The following RANGAP1 variants were observed in gnomAD, a reference collection of about 807,000 sequenced individuals.
RANGAP1 encodes the protein ran GTPase-activating protein 1.
A neutral mutation model predicts 63.5 loss-of-function variants in RANGAP1; 38 were observed. That is an observed-to-expected ratio of 0.60 (90% CI 0.46 to 0.78). The LOEUF is 0.78. RANGAP1 is among the 30% of genes least tolerant of loss of function. The probability of loss-of-function intolerance (pLI) is 0.00; values close to 1 mark genes in which losing one functional copy is unlikely to be tolerated. For synonymous variants in RANGAP1, 329 were observed against 310.5 expected, an observed-to-expected ratio of 1.06 and a Z score of -0.63; for missense variants, 630 against 740.3, an observed-to-expected ratio of 0.85 and a Z score of 1.73.
upstream of RANGAP1, among the ~76,000 whole-genome samples, chr22:41,290,363 G>A (rs1198328974): frequency 6.6e-6 from 1 of 151,784 alleles, no homozygotes; most frequent in African/African-American, 2.4e-5. Flanking sequence ...CCGAGTAGCT[G>A]GGATTACAGG....
the RANGAP1 span, among the ~76,000 whole-genome samples, chr22:41,292,936 T>C: frequency 1.3e-5 from 2 of 151,594 alleles, no homozygotes. Flanking sequence ...AAACTCTGTC[T>C]CTACAAAAAA....
At chr22:41,285,695 C>T (rs1044615643) in intron 1 of RANGAP1, 5 of 984,834 alleles carry the variant, frequency 5.1e-6, no homozygotes, top group Non-Finnish European at 6.0e-6. Context: ...GGACTCGCAC[C>T]GCCTCCGGTT....
intron 2 of RANGAP1, among the ~76,000 whole-genome samples, chr22:41,277,020 A>C (rs1459518399): frequency 6.6e-6 from 1 of 151,060 alleles, no homozygotes; most frequent in African/African-American, 2.4e-5. Context: ...TAGAAATAAA[A>C]TGCCCTGAAA....
chr22:41,248,887 C>A (rs1382771041), intron 15 of RANGAP1, among the ~76,000 whole-genome samples: 1 of 152,244 alleles, frequency 6.6e-6, no homozygotes, highest in African/African-American at 2.4e-5. Flanking sequence ...GGCTGCAGAG[C>A]CTGGTGTGAC....
chr22:41,298,319 G>A, the RANGAP1 span, among the ~76,000 whole-genome samples: 2 of 151,014 alleles, frequency 1.3e-5, no homozygotes, highest in East Asian at 4.0e-4. Flanking sequence ...CTAATTTGTT[G>A]TTGTTGTTGT....
intron 15 of RANGAP1, among the ~76,000 whole-genome samples, chr22:41,246,938 C>T (rs917302084): frequency 6.6e-6 from 1 of 152,230 alleles, no homozygotes; most frequent in African/African-American, 2.4e-5. Context: ...TTCCAGCAGA[C>T]ATAGGCCAGG....
At chr22:41,271,371 G>A (rs1258790763) in intron 3 of RANGAP1, among the ~76,000 whole-genome samples, 2 of 139,666 alleles carry the variant, frequency 1.4e-5, no homozygotes, top group Admixed American at 1.4e-4. Context: ...CTGGGCAATG[G>A]CGTGAAACTG....
the RANGAP1 span, among the ~76,000 whole-genome samples, chr22:41,294,187 G>A: frequency 6.6e-6 from 1 of 152,210 alleles, no homozygotes; most frequent in Non-Finnish European, 1.5e-5. Flanking sequence ...GAGTGCCTGC[G>A]ATTGAAGGCG....
the RANGAP1 span, among the ~76,000 whole-genome samples, chr22:41,294,022 T>TCCTCTC: frequency 3.0e-5 from 4 of 134,552 alleles, no homozygotes; most frequent in Non-Finnish European, 6.4e-5. Context: ...AAAAATCTAC[T>TCCTCTC]CCTCTCCCTC....
chr22:41,279,400 G>A, intron 2 of RANGAP1, among the ~76,000 whole-genome samples: 1 of 151,382 alleles, frequency 6.6e-6, no homozygotes, highest in East Asian at 1.9e-4. Context: ...AACCAGGGAG[G>A]CAGAGCTTAC....
At chr22:41,280,423 T>C (rs2035429721) in intron 2 of RANGAP1, among the ~76,000 whole-genome samples, 3 of 152,332 alleles carry the variant, frequency 2.0e-5, no homozygotes, top group Admixed American at 2.0e-4. Context: ...TTTTCTGTGG[T>C]TGCAATACCT....
At chr22:41,252,722 T>G in intron 12 of RANGAP1, 150 bp downstream of exon 12, 1 of 911,358 alleles carries the variant, frequency 1.1e-6, no homozygotes, top group Non-Finnish European at 1.5e-6. Flanking sequence ...ACCCTGGACA[T>G]TTGCGCGTGT....
At chr22:41,279,221 AG>A (rs2035340334) in intron 2 of RANGAP1, among the ~76,000 whole-genome samples, 1 of 152,226 alleles carries the variant, frequency 6.6e-6, no homozygotes, top group African/African-American at 2.4e-5. Context: ...CTGTTATCCC[AG>A]TACTTTGGGG....
chr22:41,279,403 G>A (rs2035357706), intron 2 of RANGAP1, among the ~76,000 whole-genome samples: 1 of 151,824 alleles, frequency 6.6e-6, no homozygotes, highest in Non-Finnish European at 1.5e-5. Context: ...CAGGGAGGCA[G>A]AGCTTACAGT....
intron 3 of RANGAP1, among the ~76,000 whole-genome samples, chr22:41,272,606 T>C (rs1013266468): frequency 2.6e-5 from 4 of 152,056 alleles, no homozygotes; most frequent in African/African-American, 9.7e-5. Flanking sequence ...CTGCAACCTC[T>C]GCCTCCTGGT....
intron 4 of RANGAP1, among the ~76,000 whole-genome samples, chr22:41,265,584 G>T (rs888943449): frequency 9.2e-5 from 14 of 152,188 alleles, no homozygotes; most frequent in Admixed American, 6.5e-5. Flanking sequence ...TTCTGGTGGT[G>T]ACTGGCAGAT....
rs774731855 is a variant in RANGAP1, at chr22:41,256,831, G to T, written c.775-7C>A. ...GCCGCAAGGTCTTCAAGGTCTGTGA[G>T]GGGGAAGCAAGGGTCCAGAGTGAGG... On this transcript the variant is annotated splice_region_variant and splice_polypyrimidine_tract_variant and intron_variant, in intron 7 of 15. Transcript: ENST00000356244. The T allele has an allele frequency of 5.5e-5, 88 of 1,612,058 alleles. No homozygotes were observed. The highest frequency in any genetic ancestry group is 7.1e-5 in the Non-Finnish European group (84 of 1,178,432).
chr22:41,284,104 G>A (rs535599227), intron 1 of RANGAP1, among the ~76,000 whole-genome samples: 12 of 151,946 alleles, frequency 7.9e-5, no homozygotes, highest in African/African-American at 1.7e-4. Flanking sequence ...AAAATTAGCC[G>A]GGCCTGGTGG....
intron 3 of RANGAP1, among the ~76,000 whole-genome samples, chr22:41,274,110 C>A (rs573610847): frequency 6.6e-6 from 1 of 152,264 alleles, no homozygotes; most frequent in East Asian, 1.9e-4. Context: ...GCCTCTGCTG[C>A]GAGGAGTGTA....
Sources: allele counts gnomAD v4.1 joint callset (sites outside exome capture counted in the v4.1 genomes callset), GRCh38; gene constraint gnomAD v4.1.1; transcripts MANE v1.5; gene names NCBI Gene and HGNC (gene_info 2026-07-23, HGNC 2026-07-21).